DNAH5: variants seen among roughly 807,000 people sequenced by gnomAD.
DNAH5 encodes the protein dynein axonemal heavy chain 5.
Under a neutral mutation model 518.2 loss-of-function variants are expected in DNAH5, and 372 were observed. The ratio of observed to expected loss-of-function variants is 0.72; its 90% CI spans 0.66 to 0.78. The LOEUF (loss-of-function observed/expected upper bound fraction) is 0.78. Ranked by LOEUF, DNAH5 falls within the 30% of genes least tolerant of loss-of-function variation. The pLI is 0.00. For missense variants in DNAH5, 5,523 were observed against 5,687.0 expected (o/e 0.97, Z 0.93); for synonymous variants, 2,039 against 2,025.9 (o/e 1.01, Z -0.17).
rs2126695462 is a variant in DNAH5, at chr5:13,752,291, T to G, written c.10873-2A>C. The G allele has an allele frequency of 2.5e-6, 4 of 1,613,998 alleles. No homozygotes were observed. The highest frequency in any genetic ancestry group is 3.4e-6 in the Non-Finnish European group (4 of 1,179,896). ...GTACTTGTGATTTAAAGACGTGATC[T>G]AGGAACAGGATCACAAGGTTGCTAT... is the stretch of plus-strand genomic sequence containing the variant. On this transcript the variant is annotated splice_acceptor_variant, in intron 63 of 78. Coordinates refer to ENST00000265104, the MANE Select transcript of DNAH5 (RefSeq NM_001369.3). LOFTEE classifies it high-confidence loss of function.
At chr5:13,830,835 C>T (rs2151838471) in intron 35 of DNAH5, 60 bp from the exon 36 acceptor site, 2 of 1,547,630 alleles carry the variant, frequency 1.3e-6, no homozygotes, top group East Asian at 2.2e-5. Flanking sequence ...ACTTCTGAGA[C>T]ATCACAGTGG....
intron 30 of DNAH5, among the ~76,000 whole-genome samples, chr5:13,854,265 A>C (rs1171951225): frequency 6.6e-6 from 1 of 152,176 alleles, no homozygotes; most frequent in African/African-American, 2.4e-5. Flanking sequence ...TATCCAGCCA[A>C]ACTAAGCTTC....
At chr5:13,756,202 T>C (rs1465491874) in intron 61 of DNAH5, among the ~76,000 whole-genome samples, 1 of 152,188 alleles carries the variant, frequency 6.6e-6, no homozygotes, top group Non-Finnish European at 1.5e-5. Flanking sequence ...GCCTGGGCCA[T>C]GGTGAACTGC....
At chr5:14,007,425 C>T (rs1232695103) in intron 1 of DNAH5, among the ~76,000 whole-genome samples, 1 of 152,172 alleles carries the variant, frequency 6.6e-6, no homozygotes, top group Non-Finnish European at 1.5e-5. Context: ...AGGCCACATC[C>T]TCACAGCCAA....
chr5:13,820,547 G>A lies in DNAH5; in HGVS notation c.6688-48C>T, dbSNP rs6554817. On this transcript the variant is annotated intron_variant, in intron 40 of 78. Coordinates refer to ENST00000265104, the MANE Select transcript of DNAH5 (RefSeq NM_001369.3). The stretch of plus-strand genomic sequence containing the variant: ...ACATTGAAACACAACAATGATGGCC[G>A]GACACGGTGGCTCACGCCTGTAATC... 332,303 of 1,604,744 alleles carry A rather than the reference G, an allele frequency of 0.21. 36,853 individuals carry two copies. Among genetic ancestry groups the A allele is most frequent in the East Asian group, 0.49 (22,009 of 44,802 alleles).
chr5:13,798,026 G>A (rs1477270349), intron 47 of DNAH5, among the ~76,000 whole-genome samples: 3 of 144,608 alleles, frequency 2.1e-5, no homozygotes, highest in East Asian at 4.3e-4. Context: ...CACACAGGGC[G>A]AGGAACATCA....
chr5:13,785,761 C>T (rs553392806), intron 52 of DNAH5, among the ~76,000 whole-genome samples: 2 of 152,314 alleles, frequency 1.3e-5, no homozygotes, highest in South Asian at 4.1e-4. Flanking sequence ...TAGAATTATA[C>T]AGTATTTACC....
At chr5:13,731,972 A>G (rs1260200638) in intron 68 of DNAH5, among the ~76,000 whole-genome samples, 7 of 152,116 alleles carry the variant, frequency 4.6e-5, no homozygotes, top group African/African-American at 1.7e-4. Context: ...ATCTCTACAA[A>G]AAATTTAAAA....
chr5:13,847,055 A>G (rs1041399308), intron 31 of DNAH5, among the ~76,000 whole-genome samples: 1 of 152,172 alleles, frequency 6.6e-6, no homozygotes, highest in Non-Finnish European at 1.5e-5. Flanking sequence ...GTATGGAAGG[A>G]GGCTGTGGTG....
chr5:13,891,236 AC>A, intron 16 of DNAH5, 115 bp from the exon 17 acceptor site: 1 of 1,111,598 alleles, frequency 9.0e-7, no homozygotes. Context: ...ATTCTCAGTT[AC>A]GTATGTTCCC....
chr5:13,991,529 G>A (rs952650882), intron 1 of DNAH5, among the ~76,000 whole-genome samples: 18 of 146,596 alleles, frequency 1.2e-4, no homozygotes, highest in African/African-American at 4.5e-4. Context: ...AGGAGGGGAG[G>A]AGGGGAGGGG....
intron 74 of DNAH5, among the ~76,000 whole-genome samples, chr5:13,715,886 G>A (rs1319877591): frequency 2.0e-5 from 3 of 152,150 alleles, no homozygotes; most frequent in East Asian, 3.8e-4. Flanking sequence ...TTGGCATCCC[G>A]TGGATAGAGG....
intron 65 of DNAH5, among the ~76,000 whole-genome samples, chr5:13,737,956 GGGA>G (rs1393738697): frequency 6.6e-6 from 1 of 152,054 alleles, no homozygotes; most frequent in East Asian, 1.9e-4. Flanking sequence ...CCAGCTGCTT[GGGA>G]AGCTGAAGCA....
chr5:13,995,053 C>T (rs1783838805), intron 1 of DNAH5, among the ~76,000 whole-genome samples: 1 of 152,186 alleles, frequency 6.6e-6, no homozygotes, highest in Non-Finnish European at 1.5e-5. Context: ...CTACACACCA[C>T]ATTGACCCTT....
At position 13,845,224 on chromosome 5, in the gene DNAH5, C is replaced by G. The variant is rs10041679; in HGVS notation, c.5115-231G>C. On this transcript the variant is annotated intron_variant, in intron 31 of 78. Coordinates refer to ENST00000265104, the MANE Select transcript of DNAH5 (RefSeq NM_001369.3). ...TTTCCCAAAATTGGTGGCAGAATTCCCTCATTTTTCACAACTATAATGTAC... is the reference window on the plus strand; with the variant it reads ...TTTCCCAAAATTGGTGGCAGAATTCGCTCATTTTTCACAACTATAATGTAC... Among the ~76,000 whole-genome samples, 5,523 of 151,856 alleles carry G rather than the reference C, an allele frequency of 0.036. 328 individuals are homozygous for G. Among genetic ancestry groups the G allele is most frequent in the African/African-American group, 0.13 (5,233 of 41,336 alleles).
At chr5:13,766,633 G>C (rs1752550359) in intron 58 of DNAH5, among the ~76,000 whole-genome samples, 2 of 152,210 alleles carry the variant, frequency 1.3e-5, no homozygotes, top group Non-Finnish European at 2.9e-5. Context: ...ACTGACACCA[G>C]AGGGTAGCCA....
chr5:13,739,315 C>T (rs141357035), intron 65 of DNAH5, among the ~76,000 whole-genome samples: 197 of 152,234 alleles, frequency 1.3e-3, no homozygotes, highest in African/African-American at 4.5e-3. Flanking sequence ...GTTCTCATAA[C>T]AGTGAGTGAA....
chr5:13,788,964 T>C (rs1262107210), intron 50 of DNAH5, 50 bp from the exon 51 acceptor site: 6 of 1,547,772 alleles, frequency 3.9e-6, no homozygotes, highest in South Asian at 2.2e-5. Context: ...TATGCCGTAA[T>C]TGGGAATTCA....
chr5:13,780,923 G>C lies in DNAH5; in HGVS notation c.8857C>G (p.Leu2953Val). The C allele has an allele frequency of 1.9e-6, 3 of 1,613,794 alleles. No homozygotes were observed. Among genetic ancestry groups the C allele is most frequent in the Non-Finnish European group, 2.5e-6 (3 of 1,179,778 alleles). ...CCTGATCCGCCCACCCCGACCAGGA[G>C]GGCATTTCCCTGAGGAGTACGAATG... is the stretch of plus-strand genomic sequence containing the variant. ...RVIRTPQGNA[L>V]LVGVGGSGKQ... The change falls in exon 53 of 79, where the codon CTC (leucine) becomes GTC (valine). Residue 2953 changes from leucine to valine, a missense_variant. By Grantham distance (32) the Leu-to-Val change is conservative (BLOSUM62 1). Coordinates refer to ENST00000265104, the MANE Select transcript of DNAH5 (RefSeq NM_001369.3).
Sources: gnomAD v4.1 joint callset for allele counts (sites outside exome capture counted in the v4.1 genomes callset) on GRCh38, gnomAD v4.1.1 for gene constraint, MANE v1.5 for transcripts, NCBI Gene and HGNC (gene_info 2026-07-23, HGNC 2026-07-21) for gene names.